CDH23: variants seen among roughly 807,000 people sequenced by gnomAD.
CDH23 encodes cadherin related 23.
CDH23 carries 189 observed loss-of-function variants against 317.1 expected under a neutral mutation model. The observed-to-expected ratio is 0.60, with a 90% confidence interval of 0.53 to 0.67. The LOEUF is 0.67. CDH23 is among the 30% of genes least tolerant of loss of function. The pLI is 0.00. For synonymous variants in CDH23, 1,839 were observed against 1,876.8 expected, an observed-to-expected ratio of 0.98 and a Z score of 0.52; for missense variants, 4,401 against 4,592.4, an observed-to-expected ratio of 0.96 and a Z score of 1.20.
chr10:71,674,341 C>T (rs567480917), intron 14 of CDH23, among the ~76,000 whole-genome samples: 3 of 152,128 alleles, frequency 2.0e-5, no homozygotes, highest in Non-Finnish European at 2.9e-5. Context: ...AAATATTGAG[C>T]GCAAAGGGAT....
At chr10:71,483,370 A>C (rs944177526) in intron 3 of CDH23, among the ~76,000 whole-genome samples, 1 of 152,198 alleles carries the variant, frequency 6.6e-6, no homozygotes, top group Non-Finnish European at 1.5e-5. Context: ...CTAGGACAGC[A>C]GCTCTTTATC....
intron 1 of CDH23, among the ~76,000 whole-genome samples, chr10:71,401,416 A>G (rs1441706837): frequency 6.6e-6 from 1 of 152,142 alleles, no homozygotes; most frequent in African/African-American, 2.4e-5. Context: ...GTAACTGTTC[A>G]TTGACCCAAT....
At chr10:71,666,912 G>A (rs950249637) in intron 14 of CDH23, among the ~76,000 whole-genome samples, 2 of 152,228 alleles carry the variant, frequency 1.3e-5, no homozygotes, top group African/African-American at 2.4e-5. Context: ...CATTACCAGC[G>A]AAGCACCGGG....
At chr10:71,420,592 G>C (rs1425408330) in intron 1 of CDH23, among the ~76,000 whole-genome samples, 1 of 110,418 alleles carries the variant, frequency 9.1e-6, no homozygotes, top group Non-Finnish European at 1.9e-5. Flanking sequence ...GGTGATGATG[G>C]TGATGGTGAT....
chr10:71,583,004 C>T (rs1858750081), intron 9 of CDH23, among the ~76,000 whole-genome samples: 1 of 152,112 alleles, frequency 6.6e-6, no homozygotes, highest in Non-Finnish European at 1.5e-5. Flanking sequence ...CAAAAATATC[C>T]ATGATAAGAA....
intron 6 of CDH23, among the ~76,000 whole-genome samples, chr10:71,540,836 G>A (rs1431530176): frequency 6.6e-6 from 1 of 151,996 alleles, no homozygotes; most frequent in Non-Finnish European, 1.5e-5. Flanking sequence ...CGATCAGGCT[G>A]GAGCTAAGAC....
intron 14 of CDH23, chr10:71,646,823 AG>A: frequency 6.7e-7 from 1 of 1,497,534 alleles, no homozygotes; most frequent in South Asian, 1.4e-5. Flanking sequence ...ATGGAAAAGG[AG>A]CCAACCTGAG....
At chr10:71,625,953 C>T (rs186589316) in intron 11 of CDH23, among the ~76,000 whole-genome samples, 1 of 152,152 alleles carries the variant, frequency 6.6e-6, no homozygotes, top group Non-Finnish European at 1.5e-5. Flanking sequence ...GGCTTTGACC[C>T]CAAGAGACAT....
At chr10:71,452,054 T>TG (rs1850472927) in intron 3 of CDH23, among the ~76,000 whole-genome samples, 1 of 152,214 alleles carries the variant, frequency 6.6e-6, no homozygotes, top group African/African-American at 2.4e-5. Flanking sequence ...TACGTGCCTA[T>TG]GCTTGTGAAC....
chr10:71,680,047 G>A (rs1261892398), intron 17 of CDH23, among the ~76,000 whole-genome samples: 1 of 152,144 alleles, frequency 6.6e-6, no homozygotes, highest in Non-Finnish European at 1.5e-5. Context: ...CAAAGCTGCT[G>A]AGCTTGGCAC....
intron 38 of CDH23, chr10:71,760,927 G>A (rs1840365590): frequency 6.2e-7 from 1 of 1,613,696 alleles, no homozygotes; most frequent in Non-Finnish European, 8.5e-7. Context: ...ATCTTTGCCT[G>A]TGGGAACAAA....
At chr10:71,657,611 G>A (rs954166885) in intron 14 of CDH23, among the ~76,000 whole-genome samples, 2 of 152,238 alleles carry the variant, frequency 1.3e-5, no homozygotes, top group African/African-American at 2.4e-5. Context: ...GCCGGTCAGA[G>A]CAGGGTAGAC....
chr10:71,604,363 G>A (rs1298885873), intron 9 of CDH23, among the ~76,000 whole-genome samples: 2 of 152,250 alleles, frequency 1.3e-5, no homozygotes, highest in Admixed American at 6.5e-5. Context: ...GCCTTGAGGA[G>A]TAGCTGACCA....
chr10:71,738,549 A>T lies in CDH23; in HGVS notation c.4261A>T (p.Thr1421Ser). The T allele has an allele frequency of 6.2e-7, 1 of 1,613,816 alleles. No homozygotes were observed. The highest frequency in any genetic ancestry group is 8.5e-7 in the Non-Finnish European group (1 of 1,179,856). ...TGACAACAGCCCCCGGTTTGACTTC[A>T]CCTCCGACTCGGCGGTCAGCATACC... is the stretch of plus-strand genomic sequence containing the variant. ...ENDNSPRFDF[T>S]SDSAVSIPED... The change falls in exon 35 of 70, where the codon ACC (threonine) becomes TCC (serine). Residue 1421 changes from threonine to serine, a missense_variant. Coordinates refer to ENST00000224721, the MANE Select transcript of CDH23 (RefSeq NM_022124.6).
At chr10:71,510,006 G>A in intron 3 of CDH23, 76 bp from the exon 4 acceptor site, 1 of 1,575,004 alleles carries the variant, frequency 6.3e-7, no homozygotes, top group Non-Finnish European at 8.7e-7. Context: ...TGAGAGTTCA[G>A]CCACCTGGGC....
At position 71,811,965 on chromosome 10, in the gene CDH23, C is replaced by G. The variant is rs770983107; in HGVS notation, c.9330C>G (p.Gly3110=). ...CCCTTCTCCCTGCAGGGAATCGTGG[C>G]TTCATCGACATCATGGACATGCCTA... ...AIVAGSAGNR[G]FIDIMDMPNT... is the part of the protein sequence containing the mutation. The change falls in exon 66 of 70, where the codon GGC becomes GGG. Residue 3110 remains glycine, a synonymous_variant. Transcript: ENST00000224721. 3 of 1,568,908 alleles carry G rather than the reference C, an allele frequency of 1.9e-6. No homozygotes were observed. The highest frequency in any genetic ancestry group is 1.7e-6 in the Non-Finnish European group (2 of 1,155,116).
chr10:71,732,111 G>GATGA lies in CDH23; in HGVS notation c.3844_3847dup (p.Val1283GlufsTer6). On this transcript the variant is annotated frameshift_variant, in exon 32 of 70. Transcript: ENST00000224721. LOFTEE classifies it high-confidence loss of function. ...ACTACGAGACCAAGACCAGCTACAT[G>GATGA]ATGAATGTGTCGGCCACTGACCAGG... The GATGA allele has an allele frequency of 1.2e-6, 2 of 1,614,022 alleles. No homozygotes were observed. Among genetic ancestry groups the GATGA allele is most frequent in the Non-Finnish European group, 1.7e-6 (2 of 1,179,890 alleles).
intron 38 of CDH23, among the ~76,000 whole-genome samples, chr10:71,768,067 G>A (rs540469514): frequency 6.6e-6 from 1 of 152,378 alleles, no homozygotes; most frequent in Non-Finnish European, 1.5e-5. Context: ...CTTCTATGCT[G>A]TGAAGACGTC....
chr10:71,731,768 GCC>G (rs1427239378), intron 31 of CDH23, among the ~76,000 whole-genome samples: 3 of 152,188 alleles, frequency 2.0e-5, no homozygotes, highest in Admixed American at 1.3e-4. Context: ...CCAAGGCCAA[GCC>G]CCAGAGGAAG....
Sources: allele counts gnomAD v4.1 joint callset (sites outside exome capture counted in the v4.1 genomes callset), GRCh38; gene constraint gnomAD v4.1.1; transcripts MANE v1.5; gene names NCBI Gene and HGNC (gene_info 2026-07-23, HGNC 2026-07-21).